NETO1: variants seen among roughly 807,000 people sequenced by gnomAD.
NETO1 encodes neuropilin and tolloid-like protein 1.
A neutral mutation model predicts 61.3 loss-of-function variants in NETO1; 26 were observed. The observed-to-expected ratio is 0.42, with a 90% CI of 0.31 to 0.59. The LOEUF is 0.59. Among genes scored for constraint, NETO1 ranks in the 20% least tolerant of loss-of-function variants. NETO1 has a pLI of 0.12. For missense variants in NETO1, 531 were observed against 662.8 expected (o/e 0.80, Z 2.18); for synonymous variants, 225 against 225.8 (o/e 1.00, Z 0.03).
Position 72,750,235 on chromosome 18 carries a change from T to C in NETO1, c.1368A>G (p.Thr456=). 6.2e-7 allele frequency: 1 copy of C among 1,614,110 alleles called. No homozygotes were observed. The highest frequency in any genetic ancestry group is 8.5e-7 in the Non-Finnish European group (1 of 1,179,994). ...NLSTRDASIL[T]EMPTQPGKPL... ...GTTTTCCTGGCTGTGTGGGCATCTC[T>C]GTCAAGATAGAAGCATCTCTTGTGC... Residue 456 remains threonine (T), a synonymous_variant, in exon 9 of 11, where the codon ACA becomes ACG. Transcript: ENST00000327305.
intron 4 of NETO1, among the ~76,000 whole-genome samples, chr18:72,832,109 C>T (rs2073601283): frequency 6.6e-6 from 1 of 152,108 alleles, no homozygotes; most frequent in Non-Finnish European, 1.5e-5. Context: ...TAGTGCTTAG[C>T]ACATTAGTAA....
chr18:72,846,592 A>G (rs911662112), intron 4 of NETO1, among the ~76,000 whole-genome samples: 104 of 150,842 alleles, frequency 6.9e-4, no homozygotes, highest in African/African-American at 2.4e-3. Flanking sequence ...GACAAAATTG[A>G]AATAATGTCA....
intron 4 of NETO1, among the ~76,000 whole-genome samples, chr18:72,815,577 A>G (rs1002001821): frequency 1.3e-5 from 2 of 152,350 alleles, no homozygotes; most frequent in Middle Eastern, 3.4e-3. Flanking sequence ...ATAATAAACA[A>G]AATGCAATTA....
At chr18:72,775,368 C>T (rs1428701497) in intron 7 of NETO1, among the ~76,000 whole-genome samples, 2 of 152,192 alleles carry the variant, frequency 1.3e-5, no homozygotes, top group Non-Finnish European at 2.9e-5. Flanking sequence ...TTTATACACT[C>T]ATTATTTCCT....
intron 7 of NETO1, among the ~76,000 whole-genome samples, chr18:72,758,395 G>T (rs2070857646): frequency 6.7e-6 from 1 of 150,292 alleles, no homozygotes; most frequent in East Asian, 2.0e-4. Context: ...TTGTGTGTGT[G>T]TGTGTGTGTG....
chr18:72,833,782 G>T (rs750357477), intron 4 of NETO1, among the ~76,000 whole-genome samples: 2 of 152,116 alleles, frequency 1.3e-5, no homozygotes, highest in African/African-American at 2.4e-5. Context: ...TTCTTTGGGG[G>T]CCTACTAAAC....
At chr18:72,770,935 C>A (rs2071332959) in intron 7 of NETO1, among the ~76,000 whole-genome samples, 1 of 151,944 alleles carries the variant, frequency 6.6e-6, no homozygotes, top group African/African-American at 2.4e-5. Context: ...TTTATTTTTC[C>A]ATAACTAACA....
intron 3 of NETO1, among the ~76,000 whole-genome samples, chr18:72,861,508 A>G (rs2074571411): frequency 6.6e-6 from 1 of 152,206 alleles, no homozygotes; most frequent in African/African-American, 2.4e-5. Flanking sequence ...TATTTGATCT[A>G]ACACTGAGGT....
chr18:72,777,425 AAAAAAC>A (rs1304613186), intron 7 of NETO1, among the ~76,000 whole-genome samples: 1 of 131,736 alleles, frequency 7.6e-6, no homozygotes, highest in Non-Finnish European at 1.6e-5. Flanking sequence ...ATCTGAAAAA[AAAAAAC>A]AAAACAACAA....
rs773255125 is a variant in NETO1, at chr18:72,783,775, A to G, written c.771T>C (p.Asp257=). 3 of 1,614,206 alleles carry G rather than the reference A, an allele frequency of 1.9e-6. No homozygotes were observed. Among genetic ancestry groups the G allele is most frequent in the South Asian group, 2.2e-5 (2 of 91,084 alleles). ...KAKFCSTVAN[D]VMLRTGLGVI... ...CCCCAAGACCCGTGCGTAGCATGAC[A>G]TCATTAGCCACAGTGCTACAGAACT... is the stretch of plus-strand genomic sequence containing the variant. Residue 257 remains aspartate, a synonymous_variant, in exon 7 of 11, where the codon GAT becomes GAC. Transcript: ENST00000327305.
chr18:72,763,822 G>A (rs12961433), intron 7 of NETO1, among the ~76,000 whole-genome samples: 45,339 of 152,068 alleles, frequency 0.3, 7,971 homozygotes, highest in South Asian at 0.41. Flanking sequence ...AGGCTGCTGT[G>A]AAGAAATACC....
Position 72,845,342 on chromosome 18 carries a change from T to G in NETO1, c.469+13484A>C, listed in dbSNP as rs568843960. Among the ~76,000 whole-genome samples, 7 of 152,352 alleles carry G rather than the reference T, an allele frequency of 4.6e-5. No individual in the cohort carries two copies. In the South Asian group the frequency reaches 1.4e-3, roughly 32 times the overall value. The stretch of plus-strand genomic sequence containing the variant: ...CTCAAAGTCATAGCCAGAAAGTGGC[T>G]GAGCCAGAATTCCACCTCAGACAAC... On this transcript the variant is annotated intron_variant, in intron 4 of 10. Transcript: ENST00000327305.
intron 4 of NETO1, among the ~76,000 whole-genome samples, chr18:72,822,401 C>A (rs1215298364): frequency 6.6e-6 from 1 of 152,142 alleles, no homozygotes; most frequent in Non-Finnish European, 1.5e-5. Flanking sequence ...CAGACAAGAA[C>A]AGATAACAAG....
intron 4 of NETO1, chr18:72,834,178 T>C (rs2073668843): frequency 1.5e-6 from 1 of 660,892 alleles, no homozygotes; most frequent in Non-Finnish European, 1.9e-6. Flanking sequence ...AATATTTTAA[T>C]AAAATACAAC....
chr18:72,859,408 CT>C (rs1463060649), intron 3 of NETO1, among the ~76,000 whole-genome samples: 2 of 152,140 alleles, frequency 1.3e-5, no homozygotes, highest in Non-Finnish European at 2.9e-5. Context: ...TTTTCTGTCT[CT>C]TTTCTCATAT....
Position 72,808,388 on chromosome 18 carries a change from A to G in NETO1, c.470-13984T>C, listed in dbSNP as rs549880574. Among the ~76,000 whole-genome samples, 6 of 150,760 alleles carry G rather than the reference A, an allele frequency of 4.0e-5. No homozygotes were observed. In the South Asian group the frequency reaches 1.3e-3, roughly 32 times the overall value. On this transcript the variant is annotated intron_variant, in intron 4 of 10. Coordinates refer to ENST00000327305, the MANE Select transcript of NETO1 (RefSeq NM_138966.5). ...GAGGAAAATGCTGTCTCTGCTACAC[A>G]CAGGTTGGAAGCAGTGGTGGCACTG...
chr18:72,842,715 T>G (rs1028466877), intron 4 of NETO1, among the ~76,000 whole-genome samples: 1 of 152,184 alleles, frequency 6.6e-6, no homozygotes, highest in African/African-American at 2.4e-5. Flanking sequence ...TGTAAAAATC[T>G]CAGCTTTGCT....
chr18:72,751,380 C>T (rs1032346351), intron 8 of NETO1, among the ~76,000 whole-genome samples: 7 of 152,170 alleles, frequency 4.6e-5, no homozygotes, highest in Admixed American at 3.3e-4. Context: ...TGATTCACCA[C>T]GATGGGAACC....
rs2074096817 is a variant in NETO1 at position 72,846,599 on chromosome 18, G to A, written c.469+12227C>T. ...ATAAAATGGACAAAATTGAAATAAT[G>A]TCAAAGGTAAAACACTTATAAACAG... On this transcript the variant is annotated intron_variant, in intron 4 of 10. Transcript: ENST00000327305. Among the ~76,000 whole-genome samples the A allele has an allele frequency of 2.1e-5, 3 of 144,320 alleles. No homozygotes were observed. In the Admixed American group the frequency reaches 2.2e-4, roughly 11 times the overall value. The allele number at this position is 144,320 out of a possible 152,430, so 94.7% of individuals were successfully genotyped here. A position where few individuals can be genotyped will look rare whatever the true frequency, so the allele number is the denominator to read the frequency against.
Sources: allele counts gnomAD v4.1 joint callset (sites outside exome capture counted in the v4.1 genomes callset), GRCh38; gene constraint gnomAD v4.1.1; transcripts MANE v1.5; gene names NCBI Gene and HGNC (gene_info 2026-07-23, HGNC 2026-07-21).